Variants in RAB28 observed in about 807,000 individuals in gnomAD.
The protein encoded by RAB28 is ras-related protein Rab-28.
Under a neutral mutation model 31.7 loss-of-function variants are expected in RAB28, and 24 were observed. The ratio of observed to expected loss-of-function variants is 0.76; its 90% confidence interval spans 0.55 to 1.06. The LOEUF is 1.06. RAB28 is among the 50% of genes least tolerant of loss of function. RAB28 has a pLI of 0.00. For synonymous variants in RAB28, 100 were observed against 90.4 expected (o/e 1.11, Z -0.60); for missense variants, 254 against 258.5 (o/e 0.98, Z 0.12).
intron 4 of RAB28, among the ~76,000 whole-genome samples, chr4:13,410,578 A>C (rs1307194617): frequency 6.6e-6 from 1 of 152,216 alleles, no homozygotes; most frequent in Non-Finnish European, 1.5e-5. Flanking sequence ...CTTGGTAATA[A>C]ATTTTAAAAG....
At chr4:13,414,314 T>TA (rs1712623938) in intron 4 of RAB28, among the ~76,000 whole-genome samples, 1 of 152,180 alleles carries the variant, frequency 6.6e-6, no homozygotes, top group African/African-American at 2.4e-5. Flanking sequence ...ATCAGACACT[T>TA]AAGCTGTAAG....
At chr4:13,434,917 G>T (rs1367008846) in intron 4 of RAB28, among the ~76,000 whole-genome samples, 3 of 151,088 alleles carry the variant, frequency 2.0e-5, no homozygotes, top group African/African-American at 4.9e-5. Context: ...TACTCAGGAG[G>T]CTGAGGCAGG....
chr4:13,462,993 G>T (rs559585654), intron 3 of RAB28, among the ~76,000 whole-genome samples: 1 of 152,258 alleles, frequency 6.6e-6, no homozygotes, highest in East Asian at 1.9e-4. Context: ...CCCATCTATT[G>T]ATCTTGGGCA....
At chr4:13,399,513 T>C (rs1446240372) in intron 4 of RAB28, among the ~76,000 whole-genome samples, 2 of 152,202 alleles carry the variant, frequency 1.3e-5, no homozygotes, top group South Asian at 2.1e-4. Context: ...GAATGTCAAA[T>C]TGTTTTCAAA....
chr4:13,421,997 A>C (rs185977247), intron 4 of RAB28, among the ~76,000 whole-genome samples: 74 of 152,220 alleles, frequency 4.9e-4, no homozygotes, highest in Non-Finnish European at 7.4e-4. Context: ...TTTGCAGTCT[A>C]CCCATTTGAC....
chr4:13,462,412 G>C (rs778019252), intron 3 of RAB28, among the ~76,000 whole-genome samples: 2 of 152,134 alleles, frequency 1.3e-5, no homozygotes, highest in African/African-American at 4.8e-5. Context: ...ATTAGTGATA[G>C]AGATTAGGCA....
intron 4 of RAB28, among the ~76,000 whole-genome samples, chr4:13,409,311 A>G (rs1712287472): frequency 2.0e-5 from 3 of 152,220 alleles, no homozygotes; most frequent in African/African-American, 7.2e-5. Context: ...CTTGCCAAAA[A>G]GATAAGTCTT....
intron 4 of RAB28, among the ~76,000 whole-genome samples, chr4:13,407,242 A>G (rs1447747232): frequency 6.6e-6 from 1 of 152,102 alleles, no homozygotes; most frequent in Non-Finnish European, 1.5e-5. Flanking sequence ...CAGTTTTCCC[A>G]ACACCATTTA....
At chr4:13,389,926 T>C (rs951118625) in intron 4 of RAB28, among the ~76,000 whole-genome samples, 4 of 152,156 alleles carry the variant, frequency 2.6e-5, no homozygotes, top group African/African-American at 7.2e-5. Flanking sequence ...ATAAGAGCTA[T>C]TTATGACAAA....
intron 3 of RAB28, among the ~76,000 whole-genome samples, chr4:13,465,885 C>T (rs1044247439): frequency 6.6e-6 from 1 of 151,480 alleles, no homozygotes; most frequent in East Asian, 1.9e-4. Context: ...CATTAACCAA[C>T]AGAACATAAT....
At chr4:13,467,966 G>A (rs1001861989) in intron 3 of RAB28, among the ~76,000 whole-genome samples, 2 of 151,844 alleles carry the variant, frequency 1.3e-5, no homozygotes, top group Non-Finnish European at 2.9e-5. Flanking sequence ...AAAGAAAGCT[G>A]GAGTAGCTAT....
chr4:13,432,755 T>C, intron 4 of RAB28, among the ~76,000 whole-genome samples: 1 of 152,128 alleles, frequency 6.6e-6, no homozygotes, highest in East Asian at 1.9e-4. Flanking sequence ...TTCTTCACCA[T>C]GAGGCTGTCC....
chr4:13,431,372 C>G (rs1713796578), intron 4 of RAB28, among the ~76,000 whole-genome samples: 1 of 152,202 alleles, frequency 6.6e-6, no homozygotes, highest in African/African-American at 2.4e-5. Flanking sequence ...GCTGCCCCTT[C>G]TCCCAAGACC....
At chr4:13,379,494 G>A (rs1464514507) in intron 5 of RAB28, among the ~76,000 whole-genome samples, 2 of 152,118 alleles carry the variant, frequency 1.3e-5, no homozygotes, top group East Asian at 3.9e-4. Flanking sequence ...CAATGATTTG[G>A]ACTGGCCATG....
chr4:13,369,960 A>G lies in RAB28; in HGVS notation c.574-1310T>C, dbSNP rs61758767. 9,568 of 1,611,906 alleles carry G rather than the reference A, an allele frequency of 5.9e-3. 37 individuals are homozygous for G. The highest frequency in any genetic ancestry group is 7.3e-3 in the Non-Finnish European group (8,591 of 1,179,118). ...GGTACTTCACTATTTCTGCCCTGAC[A>G]ATACGCTGTCAATTCCATACAACAT... On this transcript the variant is annotated intron_variant, in intron 6 of 6. Transcript: ENST00000330852.
At chr4:13,445,611 C>A (rs546610723) in intron 4 of RAB28, among the ~76,000 whole-genome samples, 2 of 152,246 alleles carry the variant, frequency 1.3e-5, no homozygotes, top group African/African-American at 2.4e-5. Flanking sequence ...CTAACAGGCC[C>A]CTCTTCTGCA....
intron 4 of RAB28, among the ~76,000 whole-genome samples, chr4:13,433,614 A>G (rs1438734256): frequency 1.3e-5 from 2 of 152,008 alleles, no homozygotes; most frequent in Non-Finnish European, 2.9e-5. Context: ...ATGAAATACA[A>G]TCTCACACCA....
intron 4 of RAB28, among the ~76,000 whole-genome samples, chr4:13,398,227 T>C (rs1195815787): frequency 6.6e-6 from 1 of 152,142 alleles, no homozygotes; most frequent in Non-Finnish European, 1.5e-5. Context: ...ATCAAAAGCC[T>C]AAAGGAACTG....
At chr4:13,379,503 T>C (rs1178395706) in intron 5 of RAB28, among the ~76,000 whole-genome samples, 1 of 152,116 alleles carries the variant, frequency 6.6e-6, no homozygotes, top group Non-Finnish European at 1.5e-5. Flanking sequence ...GGACTGGCCA[T>C]GAGATTTAAG....
Sources: gnomAD v4.1 joint callset for allele counts (sites outside exome capture counted in the v4.1 genomes callset) on GRCh38, gnomAD v4.1.1 for gene constraint, MANE v1.5 for transcripts, NCBI Gene and HGNC (gene_info 2026-07-23, HGNC 2026-07-21) for gene names.